Variants in TRIM37 observed in about 807,000 individuals in gnomAD.
The protein encoded by TRIM37 is tripartite motif containing 37, also known as E3 ubiquitin-protein ligase TRIM37.
TRIM37 carries 80 observed loss-of-function variants against 129.8 expected under a neutral mutation model. The observed-to-expected ratio is 0.62, with a 90% confidence interval of 0.51 to 0.74. The LOEUF is 0.74. TRIM37 is among the 30% of genes least tolerant of loss of function. TRIM37 has a pLI of 0.00. For synonymous variants in TRIM37, 389 were observed against 387.1 expected (o/e 1.00, Z -0.06); for missense variants, 1,054 against 1,176.5 (o/e 0.90, Z 1.52).
chr17:59,106,742 C>A lies in TRIM37; in HGVS notation c.-281G>T, dbSNP rs1319080545. ...CGGCTCAGCCGCCGGCCAGCAGCCG[C>A]GCCGGAACCTCGGCCCACGTGACGC... is the stretch of plus-strand genomic sequence containing the variant. On this transcript the variant is annotated 5_prime_UTR_variant, in exon 1 of 24. Coordinates refer to ENST00000262294, the MANE Select transcript of TRIM37 (RefSeq NM_015294.6). 1 of 569,296 alleles carries A rather than the reference C, an allele frequency of 1.8e-6. No individual in the cohort carries two copies. The highest frequency in any genetic ancestry group is 3.1e-6 in the Non-Finnish European group (1 of 319,924). The allele number at this position is 569,296 out of a possible 1,614,324, so 35.3% of individuals were successfully genotyped here.
At chr17:59,001,544 G>T in intron 23 of TRIM37, 54 bp downstream of exon 23, 3 of 1,611,154 alleles carry the variant, frequency 1.9e-6, no homozygotes, top group Non-Finnish European at 2.5e-6. Context: ...AGAAGAAAGA[G>T]AAGCGGCAGC....
chr17:59,026,747 A>C (rs2037292895), intron 19 of TRIM37, among the ~76,000 whole-genome samples: 1 of 152,000 alleles, frequency 6.6e-6, no homozygotes, highest in Non-Finnish European at 1.5e-5. Context: ...CTGGTCCCTG[A>C]CCTCATTCAC....
intron 8 of TRIM37, among the ~76,000 whole-genome samples, chr17:59,073,536 C>T (rs1006023353): frequency 6.6e-6 from 1 of 152,158 alleles, no homozygotes; most frequent in Non-Finnish European, 1.5e-5. Context: ...GTGATCTGCC[C>T]ACCTTGGCCT....
chr17:58,978,664 T>C (rs1379084717), downstream of TRIM37, among the ~76,000 whole-genome samples: 1 of 152,072 alleles, frequency 6.6e-6, no homozygotes, highest in African/African-American at 2.4e-5. Flanking sequence ...TGACCCGAGA[T>C]TGTGCCACTG....
At chr17:58,972,355 CTT>C in the TRIM37 span, 2,664 of 1,124,186 alleles carry the variant, frequency 2.4e-3, no homozygotes, top group South Asian at 4.4e-3. Flanking sequence ...GATTCACTTA[CTT>C]TTTTTTTTTT....
intron 21 of TRIM37, 31 bp from the exon 22 acceptor site, chr17:59,012,477 T>C (rs773794883): frequency 7.3e-6 from 10 of 1,365,384 alleles, no homozygotes; most frequent in Non-Finnish European, 1.0e-5. Context: ...GATATTTCTC[T>C]ATAACTAGTG....
Position 59,012,214 on chromosome 17 carries a change from A to AG in TRIM37, c.2695+113_2695+114insC, listed in dbSNP as rs1196572217. 17 of 732,044 alleles carry AG rather than the reference A, an allele frequency of 2.3e-5. No homozygotes were observed. The African/African-American group carries it at 3.0e-4, about 13-fold the overall frequency. 45.3% of individuals were successfully genotyped at this position (732,044 alleles called of 1,614,324 possible). A position where few individuals can be genotyped will look rare whatever the true frequency, so the allele number is the denominator to read the frequency against. ...ACCACTCCCTATCCCTATCACTACC[A>AG]CCAGCAGCAGCAGCACCACCACCAC... On this transcript the variant is annotated intron_variant, in intron 22 of 23. Transcript: ENST00000262294.
intron 2 of TRIM37, among the ~76,000 whole-genome samples, chr17:59,093,324 C>T (rs2044566448): frequency 6.6e-6 from 1 of 152,122 alleles, no homozygotes; most frequent in Non-Finnish European, 1.5e-5. Context: ...CACAGCTCCT[C>T]TCCAGAACTG....
chr17:59,048,018 C>T (rs1166385277), intron 15 of TRIM37, among the ~76,000 whole-genome samples, 199 bp from the exon 16 acceptor site: 1 of 152,162 alleles, frequency 6.6e-6, no homozygotes, highest in Non-Finnish European at 1.5e-5. Flanking sequence ...CTAACTTATG[C>T]GTGCCGCCTT....
chr17:59,051,393 G>T, intron 13 of TRIM37, 65 bp from the exon 14 acceptor site: 1 of 1,155,492 alleles, frequency 8.7e-7, no homozygotes, highest in Non-Finnish European at 1.3e-6. Flanking sequence ...GTCTAGCACT[G>T]AATTCTGCAA....
intron 6 of TRIM37, 123 bp downstream of exon 6, chr17:59,080,973 GC>G (rs1281407323): frequency 6.7e-6 from 3 of 448,270 alleles, no homozygotes; most frequent in East Asian, 1.4e-4. Flanking sequence ...TATAGGTACA[GC>G]CTATCAAATT....
At chr17:59,026,385 A>T (rs2037249526) in intron 19 of TRIM37, among the ~76,000 whole-genome samples, 1 of 152,212 alleles carries the variant, frequency 6.6e-6, no homozygotes, top group Non-Finnish European at 1.5e-5. Context: ...CCAAAAGCAC[A>T]GGGAACAAAA....
intron 12 of TRIM37, among the ~76,000 whole-genome samples, chr17:59,058,011 CAT>C (rs1265392094): frequency 2.0e-5 from 3 of 152,196 alleles, no homozygotes; most frequent in African/African-American, 4.8e-5. Context: ...ATATTCACTA[CAT>C]ATGTTTCCTC....
At chr17:59,084,171 A>C in intron 4 of TRIM37, 82 bp from the exon 5 acceptor site, 1 of 1,069,720 alleles carries the variant, frequency 9.3e-7, no homozygotes, top group South Asian at 1.3e-5. Flanking sequence ...TTGGGCAAAC[A>C]GGTCAGTTTT....
intron 22 of TRIM37, among the ~76,000 whole-genome samples, chr17:59,007,239 A>ACACACC (rs2034654530): frequency 1.3e-5 from 1 of 76,076 alleles, no homozygotes; most frequent in Admixed American, 1.8e-4. Flanking sequence ...ACCCACACAC[A>ACACACC]CACACACGTT....
downstream of TRIM37, chr17:58,980,687 A>C (rs2031303913): frequency 1.9e-6 from 3 of 1,614,098 alleles, no homozygotes; most frequent in South Asian, 3.3e-5. The surrounding 1 kb of genome is among the most constrained non-coding windows in gnomAD (Gnocchi z 4.7). Flanking sequence ...GATATACAGA[A>C]TGCAGAGCTT....
At chr17:59,091,188 T>A (rs2044268013) in intron 3 of TRIM37, 112 bp downstream of exon 3, 1 of 594,726 alleles carries the variant, frequency 1.7e-6, no homozygotes, top group Admixed American at 2.5e-5. Flanking sequence ...TCAACTATCT[T>A]CACGAAGAAG....
At chr17:59,065,961 T>C (rs908992474) in intron 9 of TRIM37, among the ~76,000 whole-genome samples, 9 of 152,238 alleles carry the variant, frequency 5.9e-5, no homozygotes, top group African/African-American at 2.2e-4. Flanking sequence ...AAATTGACTA[T>C]GTCAAGAATT....
At chr17:59,101,693 TATAC>T (rs750405013) in intron 2 of TRIM37, among the ~76,000 whole-genome samples, 18,996 of 118,216 alleles carry the variant, frequency 0.16, 1,492 homozygotes, top group Non-Finnish European at 0.18. Flanking sequence ...TATATATATA[TATAC>T]ACACACACAC....
Sources: allele counts gnomAD v4.1 joint callset (sites outside exome capture counted in the v4.1 genomes callset), GRCh38; gene constraint gnomAD v4.1.1; non-coding constraint Gnocchi (gnomAD v3.1); transcripts MANE v1.5; gene names NCBI Gene and HGNC (gene_info 2026-07-23, HGNC 2026-07-21).